The following ARMH4 variants were observed in gnomAD, a reference collection of about 807,000 sequenced individuals.
The protein encoded by ARMH4 is armadillo like helical domain containing 4.
ARMH4 carries 49 observed loss-of-function variants against 61.9 expected under a neutral mutation model. The observed-to-expected ratio is 0.79, with a 90% CI of 0.63 to 1.00. The LOEUF is 1.00. Among genes scored for constraint, ARMH4 ranks in the 50% least tolerant of loss-of-function variants. The pLI, the probability that ARMH4 is intolerant of heterozygous loss-of-function variation, is 0.00. For missense variants in ARMH4, 934 were observed against 930.0 expected (o/e 1.00, Z -0.06); for synonymous variants, 368 against 341.5 (o/e 1.08, Z -0.85).
chr14:58,040,566 G>C (rs903758719), intron 5 of ARMH4, among the ~76,000 whole-genome samples: 1 of 152,164 alleles, frequency 6.6e-6, no homozygotes, highest in Non-Finnish European at 1.5e-5. Flanking sequence ...GTCTACCACT[G>C]ATGGGCATTT....
At chr14:58,093,977 C>A (rs1885661326) in intron 5 of ARMH4, among the ~76,000 whole-genome samples, 2 of 152,230 alleles carry the variant, frequency 1.3e-5, no homozygotes, top group African/African-American at 4.8e-5. Context: ...AACTCAGGAT[C>A]TGGAGAAGTC....
chr14:58,002,482 TG>T lies in ARMH4; in HGVS notation c.*2253del, dbSNP rs1206015485. On this transcript the variant is annotated 3_prime_UTR_variant, in exon 8 of 8. Coordinates refer to ENST00000267485, the MANE Select transcript of ARMH4 (RefSeq NM_001001872.4). ...GAAATGAAAATATGGGTCTGTTATT[TG>T]GGAATTTATTACACTACAGTTTGAA... The T allele has an allele frequency of 6.6e-6, 1 of 152,192 alleles. No individual in the cohort carries two copies. Among genetic ancestry groups the T allele is most frequent in the Non-Finnish European group, 1.5e-5 (1 of 68,034 alleles). 9.4% of individuals were successfully genotyped at this position (152,192 alleles called of 1,614,324 possible). A position where few individuals can be genotyped will look rare whatever the true frequency, so the allele number is the denominator to read the frequency against.
At chr14:58,098,367 G>C (rs564562302) in intron 4 of ARMH4, among the ~76,000 whole-genome samples, 1 of 152,168 alleles carries the variant, frequency 6.6e-6, no homozygotes, top group Non-Finnish European at 1.5e-5. Context: ...GCAGACACTA[G>C]GGATAAAAGC....
intron 5 of ARMH4, among the ~76,000 whole-genome samples, chr14:58,095,768 C>T (rs570645038): frequency 1.1e-3 from 171 of 152,278 alleles, no homozygotes; most frequent in African/African-American, 3.5e-3. Flanking sequence ...AGAGCAAAGG[C>T]CCAGACCAAC....
At chr14:58,066,148 C>T (rs544830203) in intron 5 of ARMH4, among the ~76,000 whole-genome samples, 2 of 152,292 alleles carry the variant, frequency 1.3e-5, no homozygotes, top group African/African-American at 4.8e-5. Context: ...TTAAAATGTG[C>T]ACTAATTTTT....
intron 5 of ARMH4, among the ~76,000 whole-genome samples, chr14:58,094,185 C>T (rs2141259813): frequency 6.6e-6 from 1 of 151,988 alleles, no homozygotes; most frequent in Admixed American, 6.5e-5. Flanking sequence ...CAAAAATTAG[C>T]TGGGCATGGG....
intron 5 of ARMH4, among the ~76,000 whole-genome samples, chr14:58,053,682 C>T (rs1374482724): frequency 6.6e-6 from 1 of 152,138 alleles, no homozygotes; most frequent in Non-Finnish European, 1.5e-5. Context: ...TGTCCCTTCC[C>T]CACCCCAACT....
intron 5 of ARMH4, among the ~76,000 whole-genome samples, chr14:58,051,710 A>C (rs151302827): frequency 6.6e-6 from 1 of 152,126 alleles, no homozygotes; most frequent in East Asian, 1.9e-4. Flanking sequence ...TTTTTTATTT[A>C]ATTTCTATTT....
intron 5 of ARMH4, among the ~76,000 whole-genome samples, chr14:58,028,312 C>T (rs1253796466): frequency 6.6e-6 from 1 of 152,188 alleles, no homozygotes; most frequent in Admixed American, 6.5e-5. Context: ...AGTGTCACTA[C>T]AAATGAACAA....
At chr14:58,146,404 A>G (rs942575827) in intron 1 of ARMH4, among the ~76,000 whole-genome samples, 16 of 152,256 alleles carry the variant, frequency 1.1e-4, no homozygotes, top group African/African-American at 3.9e-4. Context: ...TAATTCAGAT[A>G]AATAAGCTCT....
intron 4 of ARMH4, among the ~76,000 whole-genome samples, chr14:58,118,164 C>A (rs1886594447): frequency 6.6e-6 from 1 of 152,096 alleles, no homozygotes; most frequent in Admixed American, 6.5e-5. Flanking sequence ...CTTCATAGCT[C>A]CCTGTTTATG....
At chr14:58,022,405 T>C (rs750723287) in intron 5 of ARMH4, among the ~76,000 whole-genome samples, 1 of 152,110 alleles carries the variant, frequency 6.6e-6, no homozygotes, top group African/African-American at 2.4e-5. Context: ...AGGTAACATA[T>C]CCCCATGTTC....
At chr14:58,057,286 G>A (rs1023297524) in intron 5 of ARMH4, among the ~76,000 whole-genome samples, 1 of 152,214 alleles carries the variant, frequency 6.6e-6, no homozygotes, top group Admixed American at 6.5e-5. Context: ...ACCTGGCTCA[G>A]TGCCTTGCAC....
intron 5 of ARMH4, among the ~76,000 whole-genome samples, chr14:58,076,315 T>G (rs949731654): frequency 6.6e-6 from 1 of 152,212 alleles, no homozygotes; most frequent in Admixed American, 6.5e-5. Flanking sequence ...CCTTTAGGTC[T>G]TAAAGTCATT....
At chr14:58,059,696 A>G (rs923649659) in intron 5 of ARMH4, among the ~76,000 whole-genome samples, 7 of 152,200 alleles carry the variant, frequency 4.6e-5, no homozygotes, top group Non-Finnish European at 8.8e-5. Context: ...CTCTCTTTGT[A>G]TGGCATTTAT....
chr14:58,123,823 T>C (rs1886810525), intron 4 of ARMH4, among the ~76,000 whole-genome samples: 1 of 152,244 alleles, frequency 6.6e-6, no homozygotes, highest in Admixed American at 6.5e-5. Context: ...CTGGACACTC[T>C]TGTCCTTCGG....
intron 4 of ARMH4, chr14:58,131,119 T>C (rs1285803021): frequency 5.5e-6 from 1 of 181,266 alleles, no homozygotes; most frequent in African/African-American, 2.4e-5. Context: ...TGTTTCAGGC[T>C]TTGTGGGCCA....
rs1883956786 is a variant in ARMH4, at chr14:58,046,659, T to A, written c.2090-34509A>T. On this transcript the variant is annotated intron_variant, in intron 5 of 7. Coordinates refer to ENST00000267485, the MANE Select transcript of ARMH4 (RefSeq NM_001001872.4). Reference sequence around the variant, plus strand: ...CTACAGGATAAAGCCTAAGTGTCTGTATTTTTAACAAACTTCCCAAGGGAC... The same window carrying A: ...CTACAGGATAAAGCCTAAGTGTCTGAATTTTTAACAAACTTCCCAAGGGAC... 2.0e-5 allele frequency among the ~76,000 whole-genome samples: 3 copies of A among 152,218 alleles called. No individual in the cohort carries two copies. In the South Asian group the frequency reaches 6.2e-4, roughly 32 times the overall value.
At chr14:58,014,779 A>AT (rs1882542831) in intron 5 of ARMH4, among the ~76,000 whole-genome samples, 4 of 152,334 alleles carry the variant, frequency 2.6e-5, no homozygotes, top group Middle Eastern at 3.4e-3. Context: ...TAAGAAGTGG[A>AT]TGACAAGCAG....
Sources: allele counts gnomAD v4.1 joint callset (sites outside exome capture counted in the v4.1 genomes callset), GRCh38; gene constraint gnomAD v4.1.1; transcripts MANE v1.5; gene names NCBI Gene and HGNC (gene_info 2026-07-23, HGNC 2026-07-21).